Variants in TDRD3 observed in about 807,000 individuals in gnomAD.
The protein encoded by TDRD3 is tudor domain containing 3, also known as tudor domain-containing protein 3.
A neutral mutation model predicts 86.7 loss-of-function variants in TDRD3; 45 were observed. The observed-to-expected ratio is 0.52, with a 90% CI of 0.41 to 0.67. TDRD3 has a LOEUF of 0.67. TDRD3 is among the 30% of genes least tolerant of loss of function. TDRD3 has a pLI of 0.00. For missense variants in TDRD3, 814 were observed against 889.0 expected, an observed-to-expected ratio of 0.92 and a Z score of 1.07; for synonymous variants, 298 against 301.7, an observed-to-expected ratio of 0.99 and a Z score of 0.13.
chr13:60,476,640 C>T (rs1225870601), intron 5 of TDRD3, among the ~76,000 whole-genome samples: 2 of 152,090 alleles, frequency 1.3e-5, no homozygotes, highest in Non-Finnish European at 2.9e-5. Context: ...CTCTAAATGG[C>T]TTTGGATAGT....
At chr13:60,480,589 G>A (rs945721210) in intron 5 of TDRD3, among the ~76,000 whole-genome samples, 1 of 152,196 alleles carries the variant, frequency 6.6e-6, no homozygotes, top group South Asian at 2.1e-4. Flanking sequence ...TGTTTTCCAA[G>A]TTGCTTGTTC....
chr13:60,424,027 G>C (rs1392075286), intron 1 of TDRD3, among the ~76,000 whole-genome samples: 1 of 151,806 alleles, frequency 6.6e-6, no homozygotes, highest in Non-Finnish European at 1.5e-5. Flanking sequence ...TTGTTTGTTT[G>C]TTTTTGTTTT....
rs555842993 is a variant in TDRD3, at chr13:60,464,872, C to T, written c.354-2366C>T. 2.0e-5 allele frequency among the ~76,000 whole-genome samples: 3 copies of T among 152,020 alleles called. No homozygotes were observed. The South Asian group carries it at 6.2e-4, about 32-fold the overall frequency. ...GATAGAAGGAATAAGATTTAGTGTT[C>T]AGTGGCATAATAGGGTGACTATAGT... On this transcript the variant is annotated intron_variant, in intron 4 of 13. Transcript: ENST00000377881.
intron 1 of TDRD3, among the ~76,000 whole-genome samples, chr13:60,436,055 A>ATCT (rs1233330264): frequency 6.9e-6 from 1 of 145,754 alleles, no homozygotes. Context: ...GTTTTTATAT[A>ATCT]TCTTCTTTTG....
chr13:60,559,320 G>A (rs1958280473), intron 12 of TDRD3, among the ~76,000 whole-genome samples: 1 of 152,120 alleles, frequency 6.6e-6, no homozygotes, highest in African/African-American at 2.4e-5. Flanking sequence ...AAGAGGTTGA[G>A]CTCTTACATG....
intron 5 of TDRD3, among the ~76,000 whole-genome samples, chr13:60,472,563 G>A (rs1956095567): frequency 6.6e-6 from 1 of 152,134 alleles, no homozygotes; most frequent in East Asian, 1.9e-4. Flanking sequence ...GTGAACTCCT[G>A]GTGGGAATAT....
chr13:60,514,635 G>A (rs544827467), intron 10 of TDRD3, among the ~76,000 whole-genome samples: 1 of 152,284 alleles, frequency 6.6e-6, no homozygotes, highest in East Asian at 1.9e-4. Flanking sequence ...ATACAGGCAT[G>A]GAGGCATCAG....
intron 12 of TDRD3, among the ~76,000 whole-genome samples, chr13:60,565,039 A>ATTTTTTTT (rs1566310089): frequency 9.6e-6 from 1 of 104,286 alleles, no homozygotes; most frequent in African/African-American, 4.7e-5. Flanking sequence ...AACTATCAGT[A>ATTTTTTTT]TCTTTTTTTT....
At chr13:60,403,422 T>C (rs1954154408) in intron 1 of TDRD3, among the ~76,000 whole-genome samples, 1 of 152,216 alleles carries the variant, frequency 6.6e-6, no homozygotes, top group African/African-American at 2.4e-5. Context: ...GTGCCATCAG[T>C]CTAGAAATTC....
At chr13:60,434,552 T>C (rs999501935) in intron 1 of TDRD3, among the ~76,000 whole-genome samples, 8 of 152,154 alleles carry the variant, frequency 5.3e-5, no homozygotes, top group African/African-American at 1.4e-4. Flanking sequence ...TGAGAAATAT[T>C]TGTCTGTTCT....
At chr13:60,411,356 T>C (rs1311016600) in intron 1 of TDRD3, among the ~76,000 whole-genome samples, 1 of 152,252 alleles carries the variant, frequency 6.6e-6, no homozygotes, top group Non-Finnish European at 1.5e-5. Context: ...ACAGAAATTA[T>C]GGTGTGCCTA....
chr13:60,568,747 G>C (rs1299509880), intron 13 of TDRD3, among the ~76,000 whole-genome samples: 4 of 152,066 alleles, frequency 2.6e-5, no homozygotes, highest in African/African-American at 9.7e-5. Flanking sequence ...ACTAGCTAGA[G>C]CAATTAAACA....
At position 60,533,367 on chromosome 13, in the gene TDRD3, G is replaced by A. The variant is rs146662589; in HGVS notation, c.1993-1741G>A. Among the ~76,000 whole-genome samples the A allele has an allele frequency of 2.2e-3, 337 of 152,206 alleles. 1 individual carries two copies. Among genetic ancestry groups the A allele is most frequent in the African/African-American group, 7.8e-3 (322 of 41,518 alleles). ...TAAGAGATACTATTATTGGCTGGGC[G>A]CAGTGGCTCATGTCTGTAATCCCAG... On this transcript the variant is annotated intron_variant, in intron 11 of 13. Transcript: ENST00000377881.
intron 12 of TDRD3, among the ~76,000 whole-genome samples, chr13:60,551,291 T>G (rs1958047834): frequency 6.6e-6 from 1 of 152,236 alleles, no homozygotes; most frequent in Non-Finnish European, 1.5e-5. Context: ...TATAAAAACA[T>G]GTAACCTCAC....
At chr13:60,515,689 A>G (rs781778616) in intron 10 of TDRD3, among the ~76,000 whole-genome samples, 1 of 152,198 alleles carries the variant, frequency 6.6e-6, no homozygotes, top group Non-Finnish European at 1.5e-5. Context: ...GCTGGGGTAT[A>G]TTGTAAAATA....
rs763244660 is a variant in TDRD3, at chr13:60,529,095, C to T, written c.1870C>T (p.Pro624Ser). Residue 624 changes from proline (P) to serine (S), a missense_variant, in exon 11 of 14, where the codon CCC becomes TCC. Coordinates refer to ENST00000377881, the MANE Select transcript of TDRD3 (RefSeq NM_001146070.2). ...CDDKIFYNSG[P>S]KRRSGPIKPE... Reference sequence around the variant, plus strand: ...TGATAAAATATTTTACAATAGTGGGCCCAAACGAAGATCTGGGCCAATTAA... The same window carrying T: ...TGATAAAATATTTTACAATAGTGGGTCCAAACGAAGATCTGGGCCAATTAA... 2.5e-6 allele frequency: 4 copies of T among 1,613,740 alleles called. No homozygotes were observed. In the Admixed American group the frequency reaches 5.0e-5, roughly 20 times the overall value.
In TDRD3 at chr13:60,460,427, T is replaced by C. The variant is rs1352316844; in HGVS notation, c.240T>C (p.Ala80=). The stretch of plus-strand genomic sequence containing the variant: ...AAATTCAAAAAATTCGCAATGTTGC[T>C]GCACCAAAGGATAATGAAGAATCTC... ...VLQIQKIRNV[A]APKDNEESQA... Residue 80 remains alanine (A), a synonymous_variant, in exon 4 of 14, where the codon GCT becomes GCC. Transcript: ENST00000377881. The C allele has an allele frequency of 3.7e-6, 6 of 1,604,940 alleles. No homozygotes were observed. Among genetic ancestry groups the C allele is most frequent in the South Asian group, 1.1e-5 (1 of 88,708 alleles).
At chr13:60,504,557 T>G (rs551347165) in intron 8 of TDRD3, among the ~76,000 whole-genome samples, 2 of 152,346 alleles carry the variant, frequency 1.3e-5, no homozygotes, top group East Asian at 3.9e-4. Flanking sequence ...CTTAAGACAT[T>G]TTGTTTCTTA....
At chr13:60,481,427 T>G (rs1249989687) in intron 5 of TDRD3, among the ~76,000 whole-genome samples, 1 of 151,084 alleles carries the variant, frequency 6.6e-6, no homozygotes, top group Non-Finnish European at 1.5e-5. Flanking sequence ...TCACTGAAGA[T>G]CTATTCATTT....
Sources: gnomAD v4.1 joint callset for allele counts (sites outside exome capture counted in the v4.1 genomes callset) on GRCh38, gnomAD v4.1.1 for gene constraint, MANE v1.5 for transcripts, NCBI Gene and HGNC (gene_info 2026-07-23, HGNC 2026-07-21) for gene names.